Variants in DCAKD observed in about 807,000 individuals in gnomAD.
DCAKD encodes the protein dephospho-CoA kinase domain-containing protein.
Under a neutral mutation model 18.7 loss-of-function variants are expected in DCAKD, and 15 were observed. The observed-to-expected ratio is 0.80, with a 90% CI of 0.54 to 1.24. DCAKD has a LOEUF of 1.24. Among genes scored for constraint, DCAKD ranks in the 50% most tolerant of loss-of-function variants. DCAKD has a pLI of 0.00. For synonymous variants in DCAKD, 130 were observed against 133.0 expected (o/e 0.98, Z 0.16); for missense variants, 301 against 322.0 (o/e 0.93, Z 0.50).
At chr17:45,050,853 G>A (rs1342374943) in intron 1 of DCAKD, among the ~76,000 whole-genome samples, 1 of 152,214 alleles carries the variant, frequency 6.6e-6, no homozygotes, top group Non-Finnish European at 1.5e-5. Context: ...CACCTGAAAT[G>A]CCAACGCCTC....
At chr17:45,036,681 G>A (rs2053307287) in intron 1 of DCAKD, among the ~76,000 whole-genome samples, 1 of 152,062 alleles carries the variant, frequency 6.6e-6, no homozygotes, top group Non-Finnish European at 1.5e-5. Context: ...AGACTTTCAT[G>A]AAATCATGTC....
chr17:45,024,745 C>T lies in DCAKD; in HGVS notation c.405-21G>A, dbSNP rs370222926. On this transcript the variant is annotated intron_variant, in intron 4 of 4. Coordinates refer to ENST00000651974, the MANE Select transcript of DCAKD (RefSeq NM_001288655.2). ...GGTCGCTAAGGATAGGGCAAAAGGG[C>T]ACTGTAGGTCCTGCCTCCCTCTCAC... The T allele has an allele frequency of 3.0e-5, 46 of 1,538,312 alleles. No individual in the cohort carries two copies. The East Asian group carries it at 8.0e-4, about 27-fold the overall frequency.
At chr17:45,036,097 G>A (rs539179816) in intron 1 of DCAKD, among the ~76,000 whole-genome samples, 2 of 152,316 alleles carry the variant, frequency 1.3e-5, no homozygotes, top group South Asian at 4.1e-4. Context: ...GCGGCAGCAC[G>A]GCACAAAGGT....
intron 3 of DCAKD, chr17:45,031,228 A>G (rs745675712): frequency 2.4e-4 from 240 of 985,198 alleles, no homozygotes; most frequent in Non-Finnish European, 2.8e-4. Flanking sequence ...TGCAGGGACA[A>G]TGGCGGTGGG....
chr17:45,024,841 C>T, intron 4 of DCAKD, 117 bp from the exon 5 acceptor site: 1 of 1,295,704 alleles, frequency 7.7e-7, no homozygotes. Flanking sequence ...TGGATCTTCC[C>T]TCCAACCCTA....
chr17:45,027,516 A>G (rs183789914), intron 4 of DCAKD, among the ~76,000 whole-genome samples: 1 of 152,330 alleles, frequency 6.6e-6, no homozygotes, highest in East Asian at 1.9e-4. Context: ...CAAGAGTTAT[A>G]CACCCACACC....
intron 4 of DCAKD, 121 bp from the exon 5 acceptor site, chr17:45,024,845 A>C (rs1217773495): frequency 1.6e-6 from 2 of 1,261,220 alleles, no homozygotes; most frequent in Non-Finnish European, 2.1e-6. Context: ...TCTTCCCTCC[A>C]ACCCTACCCT....
rs575390617 is a variant in DCAKD at position 45,029,890 on chromosome 17, G to A, written c.404+202C>T. Among the ~76,000 whole-genome samples, 43 of 152,160 alleles carry A rather than the reference G, an allele frequency of 2.8e-4. No individual in the cohort carries two copies. The East Asian group carries it at 3.7e-3, about 13-fold the overall frequency. On this transcript the variant is annotated intron_variant, in intron 4 of 4. Coordinates refer to ENST00000651974, the MANE Select transcript of DCAKD (RefSeq NM_001288655.2). Reference sequence around the variant, plus strand: ...CTCCCCAAACACTAGAGAAGCCCGCGGGCTGTCCCTTCCCACACCTGCCCC... The same window carrying A: ...CTCCCCAAACACTAGAGAAGCCCGCAGGCTGTCCCTTCCCACACCTGCCCC...
chr17:45,031,853 C>T (rs1019405115), intron 3 of DCAKD: 15 of 985,308 alleles, frequency 1.5e-5, no homozygotes, highest in African/African-American at 8.7e-5. Flanking sequence ...TCTTATCTGA[C>T]GTTTGATTAT....
chr17:45,061,127 TCAGTGGCCCCGC>T, upstream of DCAKD: 1 of 1,352,264 alleles, frequency 7.4e-7, no homozygotes. Context: ...CTTCCGGGTA[TCAGTGGCCCCGC>T]CTCTTAATCC....
chr17:45,056,477 TA>T (rs539249315), upstream of DCAKD, among the ~76,000 whole-genome samples: 253 of 140,000 alleles, frequency 1.8e-3, 1 homozygote, highest in African/African-American at 6.8e-3. Flanking sequence ...TTTTTATATA[TA>T]TTTTTTTTTT....
At chr17:45,041,945 C>G (rs1238920938) in intron 1 of DCAKD, among the ~76,000 whole-genome samples, 2 of 151,402 alleles carry the variant, frequency 1.3e-5, no homozygotes, top group African/African-American at 4.9e-5. Flanking sequence ...AAAGCGAGAT[C>G]CTGTCTCTTA....
intron 1 of DCAKD, among the ~76,000 whole-genome samples, chr17:45,046,357 C>T (rs2053566500): frequency 6.6e-6 from 1 of 152,078 alleles, no homozygotes; most frequent in Admixed American, 6.6e-5. Context: ...CTCACGCCTG[C>T]CTGTAATCCC....
At chr17:45,034,521 T>A in intron 2 of DCAKD, 131 bp from the exon 3 acceptor site, 1 of 1,065,128 alleles carries the variant, frequency 9.4e-7, no homozygotes, top group Non-Finnish European at 1.4e-6. Context: ...AAAATGAGGG[T>A]AGAGAAAGCA....
chr17:45,030,423 G>T (rs1171211819), intron 3 of DCAKD, among the ~76,000 whole-genome samples: 1 of 152,174 alleles, frequency 6.6e-6, no homozygotes, highest in African/African-American at 2.4e-5. Context: ...CTTGAAAAGT[G>T]GGGGGCAGGT....
chr17:45,034,355 C>G lies in DCAKD; in HGVS notation c.148G>C (p.Val50Leu). ...AAGACCTCAGTGCCGAAGACCTCTA[C>G]GATGCGCCGGTGGGCAGGGTATCCT... ...QPGYPAHRRI[V>L]EVFGTEVLLE... Residue 50 changes from valine to leucine, a missense_variant, in exon 3 of 5, where the codon GTA becomes CTA. Transcript: ENST00000651974. 6.2e-7 allele frequency: 1 copy of G among 1,613,998 alleles called. No homozygotes were observed. Among genetic ancestry groups the G allele is most frequent in the Non-Finnish European group, 8.5e-7 (1 of 1,180,048 alleles).
chr17:45,048,115 A>T (rs777278340), intron 1 of DCAKD, among the ~76,000 whole-genome samples: 79 of 152,136 alleles, frequency 5.2e-4, no homozygotes, highest in Non-Finnish European at 6.9e-4. Context: ...ATGGTCAGGC[A>T]CAGTATCTCA....
At chr17:45,052,194 T>G (rs369975391), upstream of DCAKD, among the ~76,000 whole-genome samples, 3 of 152,074 alleles carry the variant, frequency 2.0e-5, no homozygotes, top group East Asian at 3.9e-4. Flanking sequence ...CCATAAATTT[T>G]CCTTTCCCCG....
At chr17:45,038,201 C>A (rs192225981) in intron 1 of DCAKD, among the ~76,000 whole-genome samples, 32 of 152,032 alleles carry the variant, frequency 2.1e-4, no homozygotes, top group African/African-American at 7.5e-4. Flanking sequence ...CTCAGCCTCC[C>A]GAGTAGCTAG....
Sources: gnomAD v4.1 joint callset for allele counts (sites outside exome capture counted in the v4.1 genomes callset) on GRCh38, gnomAD v4.1.1 for gene constraint, MANE v1.5 for transcripts, NCBI Gene and HGNC (gene_info 2026-07-23, HGNC 2026-07-21) for gene names.